The following NHERF1 variants were observed in gnomAD, a reference collection of about 807,000 sequenced individuals.
NHERF1 encodes the protein Na(+)/H(+) exchange regulatory cofactor NHE-RF1.
chr17:74,758,780 G>C, the NHERF1 span, among the ~76,000 whole-genome samples: 1 of 152,118 alleles, frequency 6.6e-6, no homozygotes, highest in Non-Finnish European at 1.5e-5. The surrounding 1 kb of genome is among the most constrained non-coding windows in gnomAD (Gnocchi z 4.3). Flanking sequence ...CCCCAGCTTG[G>C]CGGTGAGGGT....
the NHERF1 span, among the ~76,000 whole-genome samples, chr17:74,759,397 G>C: frequency 6.6e-6 from 1 of 152,234 alleles, no homozygotes; most frequent in Non-Finnish European, 1.5e-5. Flanking sequence ...CACTAGGCGA[G>C]GGGCACTGGG....
At chr17:74,753,461 T>G in the NHERF1 span, among the ~76,000 whole-genome samples, 1 of 152,186 alleles carries the variant, frequency 6.6e-6, no homozygotes, top group Non-Finnish European at 1.5e-5. Context: ...TGTTTGGATT[T>G]GAAATGGACA....
At chr17:74,769,215 C>G in the NHERF1 span, 2 of 153,598 alleles carry the variant, frequency 1.3e-5, no homozygotes, top group African/African-American at 4.8e-5. Flanking sequence ...GCAGTGGCCT[C>G]AGCCTTAAAC....
chr17:74,767,404 T>C, the NHERF1 span, among the ~76,000 whole-genome samples: 101 of 152,112 alleles, frequency 6.6e-4, no homozygotes, highest in African/African-American at 2.3e-3. Context: ...GGGGAAGAGA[T>C]GGTGGGGCTG....
At chr17:74,748,834 G>T in the NHERF1 span, 17 of 1,584,678 alleles carry the variant, frequency 1.1e-5, no homozygotes, top group African/African-American at 2.7e-5. This position sits in a 1 kb window ranked among gnomAD's most constrained non-coding sequence, Gnocchi z 4.3. Context: ...CCGCTGACCC[G>T]TCGCAGGGCG....
At chr17:74,751,414 G>A in the NHERF1 span, among the ~76,000 whole-genome samples, 1 of 152,268 alleles carries the variant, frequency 6.6e-6, no homozygotes, top group Non-Finnish European at 1.5e-5. The surrounding 1 kb of genome is among the most constrained non-coding windows in gnomAD (Gnocchi z 4.3). Flanking sequence ...TTGTGTGCAA[G>A]GTGGGGCTGT....
chr17:74,768,801 T>C, the NHERF1 span: 2 of 706,548 alleles, frequency 2.8e-6, no homozygotes, highest in East Asian at 5.4e-5. Context: ...TAGAGAACTA[T>C]GTTCTTCCCT....
chr17:74,748,978 C>T, the NHERF1 span: 839 of 1,607,122 alleles, frequency 5.2e-4, 6 homozygotes, highest in African/African-American at 9.8e-3. The surrounding 1 kb of genome is among the most constrained non-coding windows in gnomAD (Gnocchi z 4.3). Context: ...TGGTGGAGCC[C>T]GGCTCGCCGG....
the NHERF1 span, chr17:74,748,985 C>G: frequency 6.2e-7 from 1 of 1,608,058 alleles, no homozygotes; most frequent in Non-Finnish European, 8.5e-7. This position sits in a 1 kb window ranked among gnomAD's most constrained non-coding sequence, Gnocchi z 4.3. Context: ...GCCCGGCTCG[C>G]CGGCCGAGAA....
the NHERF1 span, among the ~76,000 whole-genome samples, chr17:74,757,715 T>C: frequency 6.6e-6 from 1 of 152,106 alleles, no homozygotes; most frequent in Non-Finnish European, 1.5e-5. Context: ...CAAATATGGC[T>C]CTTACACCCA....
the NHERF1 span, among the ~76,000 whole-genome samples, chr17:74,764,478 A>C: frequency 6.6e-6 from 1 of 152,108 alleles, no homozygotes; most frequent in Non-Finnish European, 1.5e-5. This position sits in a 1 kb window ranked among gnomAD's most constrained non-coding sequence, Gnocchi z 4.9. Flanking sequence ...AGTTCATGGA[A>C]ACCAGGTAAC....
chr17:74,753,980 A>G, the NHERF1 span, among the ~76,000 whole-genome samples: 5 of 152,048 alleles, frequency 3.3e-5, no homozygotes, highest in African/African-American at 4.8e-5. Flanking sequence ...CCTGGCCAAC[A>G]TGGTAAAAAC....
chr17:74,753,420 G>C, the NHERF1 span, among the ~76,000 whole-genome samples: 7 of 152,308 alleles, frequency 4.6e-5, no homozygotes, highest in South Asian at 1.4e-3. Flanking sequence ...TTGGAGCTCT[G>C]GTAGGGCAGA....
the NHERF1 span, among the ~76,000 whole-genome samples, chr17:74,755,871 A>G: frequency 7.9e-5 from 12 of 152,270 alleles, no homozygotes; most frequent in South Asian, 2.3e-3. Context: ...CAATAGCTCA[A>G]TTGTTAAAAA....
At chr17:74,751,066 C>T in the NHERF1 span, among the ~76,000 whole-genome samples, 10 of 152,248 alleles carry the variant, frequency 6.6e-5, 1 homozygote, top group East Asian at 1.2e-3. The surrounding 1 kb of genome is among the most constrained non-coding windows in gnomAD (Gnocchi z 4.3). Flanking sequence ...TCTGGTTCTC[C>T]CATCTGTGAG....
At chr17:74,759,989 A>G in the NHERF1 span, among the ~76,000 whole-genome samples, 1 of 152,182 alleles carries the variant, frequency 6.6e-6, no homozygotes, top group Non-Finnish European at 1.5e-5. Flanking sequence ...GGAGGAGGTC[A>G]CTAGAGCTGC....
At chr17:74,766,187 TTTTTGTTTTGTTTTG>T in the NHERF1 span, among the ~76,000 whole-genome samples, 69 of 152,066 alleles carry the variant, frequency 4.5e-4, no homozygotes, top group Non-Finnish European at 8.7e-4. Context: ...TGGTTTGTTT[TTTTTGTTTTGTTTTG>T]TTTTGTTTTG....
chr17:74,759,417 A>T, the NHERF1 span, among the ~76,000 whole-genome samples: 2 of 152,218 alleles, frequency 1.3e-5, no homozygotes, highest in African/African-American at 4.8e-5. Context: ...GCTGAAGATC[A>T]GTAAGGGAAG....
the NHERF1 span, among the ~76,000 whole-genome samples, chr17:74,755,307 C>T: frequency 2.0e-5 from 3 of 152,200 alleles, no homozygotes; most frequent in African/African-American, 7.2e-5. Flanking sequence ...TGTCCCCATC[C>T]CTTCTCACGT....
Sources: gnomAD v4.1 joint callset for allele counts (sites outside exome capture counted in the v4.1 genomes callset) on GRCh38, gnomAD v4.1.1 for gene constraint, Gnocchi (gnomAD v3.1) non-coding constraint, MANE v1.5 for transcripts, NCBI Gene and HGNC (gene_info 2026-07-23, HGNC 2026-07-21) for gene names.